Variants in SFXN5 observed in about 807,000 individuals in gnomAD.
SFXN5 encodes sideroflexin-5.
In SFXN5, 43 loss-of-function variants were observed where a neutral mutation model predicts 50.2. The observed-to-expected ratio is 0.86, with a 90% CI of 0.67 to 1.11. The LOEUF (loss-of-function observed/expected upper bound fraction) is 1.11, where lower values mean the gene tolerates loss of function less well. Among genes scored for constraint, SFXN5 ranks in the 50% least tolerant of loss-of-function variants. The pLI is 0.00. For missense variants in SFXN5, 463 were observed against 454.1 expected (o/e 1.02, Z -0.18); for synonymous variants, 203 against 185.8 (o/e 1.09, Z -0.75).
Position 72,961,428 on chromosome 2 carries a change from C to A in SFXN5, c.828-180G>T, listed in dbSNP as rs998503451. On this transcript the variant is annotated intron_variant, in intron 12 of 13. Coordinates refer to ENST00000272433, the MANE Select transcript of SFXN5 (RefSeq NM_144579.3). The surrounding 1 kb of genome is among the most constrained non-coding windows in gnomAD (Gnocchi z 4.4). ...CTTTGGGACCTTTTCCCGATAGGTA[C>A]CCCTATCCCAGCGGGTATAGACCCC... Among the ~76,000 whole-genome samples, 4 of 152,204 alleles carry A rather than the reference C, an allele frequency of 2.6e-5. No homozygotes were observed. The highest frequency in any genetic ancestry group is 4.1e-4 in the South Asian group (2 of 4,836).
At position 73,051,702 on chromosome 2, in the gene SFXN5, A is replaced by C. The variant is rs1681357638; in HGVS notation, c.171+6826T>G. 2.0e-5 allele frequency among the ~76,000 whole-genome samples: 3 copies of C among 152,226 alleles called. No homozygotes were observed. The South Asian group carries it at 6.2e-4, about 31-fold the overall frequency. ...AGTCCGTCTGTGCTGCTATAACAGA[A>C]TACCACAGGCGGGTAATTTACAAAG... On this transcript the variant is annotated intron_variant, in intron 2 of 13. Coordinates refer to ENST00000272433, the MANE Select transcript of SFXN5 (RefSeq NM_144579.3).
intron 3 of SFXN5, among the ~76,000 whole-genome samples, chr2:73,029,140 C>T (rs1468449528): frequency 6.6e-6 from 1 of 152,148 alleles, no homozygotes; most frequent in Admixed American, 6.5e-5. Flanking sequence ...GAGCCTCCCA[C>T]GGAGAATCCA....
chr2:72,957,208 G>A (rs1673200656), intron 13 of SFXN5: 2 of 388,442 alleles, frequency 5.1e-6, no homozygotes, highest in Middle Eastern at 3.6e-4. Context: ...GACTGTCTAG[G>A]AATCATCTCT....
chr2:73,040,088 G>A (rs1679428007), intron 3 of SFXN5, among the ~76,000 whole-genome samples: 1 of 152,184 alleles, frequency 6.6e-6, no homozygotes, highest in South Asian at 2.1e-4. Context: ...TAGGATTACA[G>A]GTGTGAGCCA....
intron 3 of SFXN5, among the ~76,000 whole-genome samples, chr2:73,026,276 C>A (rs557141174): frequency 2.6e-5 from 4 of 151,398 alleles, no homozygotes; most frequent in Admixed American, 2.0e-4. Flanking sequence ...TACAGGCGTG[C>A]GCCACCATGC....
intron 13 of SFXN5, among the ~76,000 whole-genome samples, chr2:72,951,368 G>A (rs1406251308): frequency 6.6e-6 from 1 of 152,078 alleles, no homozygotes; most frequent in Admixed American, 6.5e-5. Flanking sequence ...CCAGCCTCCC[G>A]GGCACCCTAA....
At chr2:73,026,601 C>T (rs1677587762) in intron 3 of SFXN5, among the ~76,000 whole-genome samples, 1 of 152,192 alleles carries the variant, frequency 6.6e-6, no homozygotes, top group African/African-American at 2.4e-5. Context: ...TGTGGTAATA[C>T]TGGTGTAAAC....
intron 6 of SFXN5, among the ~76,000 whole-genome samples, chr2:73,003,996 A>T (rs1339228386): frequency 6.6e-6 from 1 of 152,196 alleles, no homozygotes; most frequent in African/African-American, 2.4e-5. Context: ...CATTTCACTT[A>T]TCATAATCCT....
At chr2:73,025,819 A>G (rs1677477316) in intron 3 of SFXN5, among the ~76,000 whole-genome samples, 1 of 152,206 alleles carries the variant, frequency 6.6e-6, no homozygotes, top group Non-Finnish European at 1.5e-5. Flanking sequence ...CTGTGCACAA[A>G]GTAGGGAGGC....
chr2:73,056,359 G>C (rs1682121926), intron 2 of SFXN5, among the ~76,000 whole-genome samples: 1 of 151,336 alleles, frequency 6.6e-6, no homozygotes, highest in Admixed American at 6.6e-5. Flanking sequence ...TCCAGCCTGG[G>C]GGACAAGAGC....
chr2:72,954,492 C>CCT (rs1672861442), intron 13 of SFXN5, among the ~76,000 whole-genome samples: 1 of 152,156 alleles, frequency 6.6e-6, no homozygotes, highest in African/African-American at 2.4e-5. Context: ...GGCCAGTGAA[C>CCT]CTCACTCCTG....
intron 10 of SFXN5, among the ~76,000 whole-genome samples, chr2:72,984,019 C>G (rs1471977066): frequency 6.6e-6 from 1 of 152,256 alleles, no homozygotes; most frequent in African/African-American, 2.4e-5. Context: ...GGAGGGCCCG[C>G]TCCGAGCTTG....
chr2:73,022,557 G>A lies in SFXN5; in HGVS notation c.296C>T (p.Thr99Ile), dbSNP rs1161240741. Residue 99 changes from threonine to isoleucine, a missense_variant, in exon 5 of 14, where the codon ACC becomes ATC. Coordinates refer to ENST00000272433, the MANE Select transcript of SFXN5 (RefSeq NM_144579.3). ...AAATGGCATGAAGATCTTCTCATTG[G>A]TGTCCGGATGTAGAATAGCCTGGCA... Reference protein sequence around the residue: ...KIKQAILHPDTNEKIFMPFRM... With the variant: ...KIKQAILHPDINEKIFMPFRM... The A allele has an allele frequency of 2.5e-6, 4 of 1,604,570 alleles. No homozygotes were observed. Among genetic ancestry groups the A allele is most frequent in the South Asian group, 2.2e-5 (2 of 90,854 alleles).
chr2:72,983,282 T>C (rs17008541), intron 10 of SFXN5, among the ~76,000 whole-genome samples: 26,967 of 152,128 alleles, frequency 0.18, 2,585 homozygotes, highest in East Asian at 0.32. Flanking sequence ...TTCTCCCAAA[T>C]AGTGCCAGGA....
At chr2:73,018,751 T>C (rs1414862228) in intron 6 of SFXN5, among the ~76,000 whole-genome samples, 1 of 152,210 alleles carries the variant, frequency 6.6e-6, no homozygotes, top group Admixed American at 6.5e-5. Flanking sequence ...TAAACAAACA[T>C]ATTCATTTAT....
chr2:73,034,636 G>A (rs778786367), intron 3 of SFXN5, among the ~76,000 whole-genome samples: 1 of 152,060 alleles, frequency 6.6e-6, no homozygotes, highest in Non-Finnish European at 1.5e-5. Context: ...GTTGAATGAT[G>A]GACAAGCCCA....
At chr2:73,029,159 T>C (rs572880625) in intron 3 of SFXN5, among the ~76,000 whole-genome samples, 13 of 152,246 alleles carry the variant, frequency 8.5e-5, no homozygotes, top group African/African-American at 2.9e-4. Flanking sequence ...CAGTGGAGGA[T>C]AGTGAGGCCC....
chr2:73,058,984 T>C (rs959233739), intron 1 of SFXN5: 5 of 894,356 alleles, frequency 5.6e-6, no homozygotes, highest in African/African-American at 1.9e-5. Context: ...CTCAGGACCT[T>C]GAGTGACAAA....
intron 3 of SFXN5, among the ~76,000 whole-genome samples, chr2:73,024,245 A>T (rs1677272935): frequency 6.6e-6 from 1 of 152,070 alleles, no homozygotes; most frequent in Non-Finnish European, 1.5e-5. Flanking sequence ...GCTGGTCTTG[A>T]ACTCCTGACC....
Sources: allele counts gnomAD v4.1 joint callset (sites outside exome capture counted in the v4.1 genomes callset), GRCh38; gene constraint gnomAD v4.1.1; non-coding constraint Gnocchi (gnomAD v3.1); transcripts MANE v1.5; gene names NCBI Gene and HGNC (gene_info 2026-07-23, HGNC 2026-07-21).